NMNAT1: variants seen among roughly 807,000 people sequenced by gnomAD.
NMNAT1 encodes nicotinamide/nicotinic acid mononucleotide adenylyltransferase 1.
A neutral mutation model predicts 16.7 loss-of-function variants in NMNAT1; 11 were observed. That is an observed-to-expected ratio of 0.66 (90% CI 0.41 to 1.09). The LOEUF is 1.09. NMNAT1 is among the 50% of genes least tolerant of loss of function. The probability of loss-of-function intolerance (pLI) is 0.00; values close to 1 mark genes in which losing one functional copy is unlikely to be tolerated. For synonymous variants in NMNAT1, 110 were observed against 119.8 expected (o/e 0.92, Z 0.53); for missense variants, 280 against 332.3 (o/e 0.84, Z 1.22).
intron 1 of NMNAT1, among the ~76,000 whole-genome samples, chr1:9,962,028 A>C (rs1038796045): frequency 1.3e-5 from 2 of 151,682 alleles, no homozygotes; most frequent in African/African-American, 4.8e-5. Flanking sequence ...TCGCCCTCCC[A>C]AAATGCTGGG....
chr1:9,991,857 ACTTTT>A, the NMNAT1 span, among the ~76,000 whole-genome samples: 1 of 151,970 alleles, frequency 6.6e-6, no homozygotes, highest in African/African-American at 2.4e-5. Context: ...ATATCCAAGT[ACTTTT>A]CTGTCCACAT....
chr1:9,979,792 A>G (rs1252786941), intron 3 of NMNAT1, among the ~76,000 whole-genome samples: 1 of 143,708 alleles, frequency 7.0e-6, no homozygotes, highest in Non-Finnish European at 1.5e-5. Flanking sequence ...ACAGAGTGAG[A>G]CTCCATCTCA....
downstream of NMNAT1, among the ~76,000 whole-genome samples, chr1:9,989,327 G>A (rs1042679876): frequency 3.3e-5 from 5 of 151,966 alleles, no homozygotes; most frequent in Admixed American, 6.6e-5. Context: ...GCATGGTGGC[G>A]GGCGCCTGTA....
intron 1 of NMNAT1, among the ~76,000 whole-genome samples, chr1:9,970,618 G>T (rs906221834): frequency 2.0e-5 from 3 of 151,920 alleles, no homozygotes; most frequent in African/African-American, 7.3e-5. Context: ...GAACCTGGGA[G>T]GCGGAGCTTG....
chr1:9,954,602 G>A (rs552476978), intron 1 of NMNAT1, among the ~76,000 whole-genome samples: 3 of 152,162 alleles, frequency 2.0e-5, no homozygotes, highest in South Asian at 2.1e-4. Flanking sequence ...TGAAAAACCC[G>A]ATACTTTAAT....
rs547926329 is a variant in NMNAT1, at chr1:9,974,168, C to T, written c.116-1424C>T. On this transcript the variant is annotated intron_variant, in intron 2 of 4. Transcript: ENST00000377205. ...CATAACAGTTTCATGTGTATCCTTC[C>T]ACTCTTCTTTGTATGAATTTATATG... Among the ~76,000 whole-genome samples the T allele has an allele frequency of 5.3e-5, 8 of 152,128 alleles. No homozygotes were observed. The South Asian group carries it at 1.7e-3, about 32-fold the overall frequency.
the NMNAT1 span, among the ~76,000 whole-genome samples, chr1:9,991,060 GA>G: frequency 6.6e-6 from 1 of 152,256 alleles, no homozygotes; most frequent in Admixed American, 6.5e-5. Context: ...CAACCAGCAC[GA>G]AGGTTAAAAC....
chr1:9,959,172 G>A (rs1641341753), intron 1 of NMNAT1, among the ~76,000 whole-genome samples: 2 of 152,116 alleles, frequency 1.3e-5, no homozygotes, highest in African/African-American at 4.8e-5. Flanking sequence ...GGGAGTTTGA[G>A]ACCAGCCTGG....
chr1:9,966,235 G>T (rs760376458), intron 1 of NMNAT1, among the ~76,000 whole-genome samples: 17 of 151,904 alleles, frequency 1.1e-4, no homozygotes, highest in African/African-American at 2.4e-5. Context: ...GGAGGCAGAG[G>T]CTGCAGTGAG....
intron 3 of NMNAT1, among the ~76,000 whole-genome samples, chr1:9,976,158 ATG>A (rs1641809173): frequency 6.6e-6 from 1 of 151,918 alleles, no homozygotes; most frequent in African/African-American, 2.4e-5. Flanking sequence ...ATGGTGGCGC[ATG>A]CCTGTAATCC....
chr1:9,992,087 A>AT, the NMNAT1 span, among the ~76,000 whole-genome samples: 118,727 of 139,710 alleles, frequency 0.85, 50,839 homozygotes, highest in Non-Finnish European at 0.92. Context: ...TTAGGTTTAG[A>AT]TTTTTTTTTT....
At chr1:9,961,772 G>GTA (rs1380580652) in intron 1 of NMNAT1, among the ~76,000 whole-genome samples, 1 of 151,878 alleles carries the variant, frequency 6.6e-6, no homozygotes, top group African/African-American at 2.4e-5. Context: ...AAGGCCCCAA[G>GTA]TATATATATA....
At chr1:9,964,144 G>A (rs531519432) in intron 1 of NMNAT1, among the ~76,000 whole-genome samples, 107 of 151,644 alleles carry the variant, frequency 7.1e-4, no homozygotes, top group African/African-American at 2.3e-3. Flanking sequence ...CACCTACCTC[G>A]GCCTCCCAAA....
intron 1 of NMNAT1, among the ~76,000 whole-genome samples, chr1:9,947,973 A>G (rs1641017028): frequency 6.6e-6 from 1 of 152,120 alleles, no homozygotes; most frequent in Non-Finnish European, 1.5e-5. Context: ...AGGTCTAGAG[A>G]ATGTGTTGTT....
chr1:9,948,307 G>T (rs75505101), intron 1 of NMNAT1, among the ~76,000 whole-genome samples: 2,683 of 152,270 alleles, frequency 0.018, 34 homozygotes, highest in Non-Finnish European at 0.027. Flanking sequence ...AGGTGAGGTG[G>T]CTCATGCTCG....
At chr1:9,960,281 T>G (rs1048225059) in intron 1 of NMNAT1, among the ~76,000 whole-genome samples, 2 of 151,290 alleles carry the variant, frequency 1.3e-5, no homozygotes, top group African/African-American at 4.9e-5. Flanking sequence ...CGATACCCTA[T>G]CTCTAAAAAA....
chr1:9,994,825 G>C, the NMNAT1 span, among the ~76,000 whole-genome samples: 1 of 151,742 alleles, frequency 6.6e-6, no homozygotes, highest in African/African-American at 2.4e-5. Context: ...TGTTAGCCAG[G>C]AAGGTCTTGA....
At chr1:9,994,317 T>C in the NMNAT1 span, among the ~76,000 whole-genome samples, 2 of 151,984 alleles carry the variant, frequency 1.3e-5, no homozygotes, top group South Asian at 2.1e-4. Flanking sequence ...TTCACCATGT[T>C]AGCCAGGCTT....
intron 1 of NMNAT1, among the ~76,000 whole-genome samples, chr1:9,965,084 C>T (rs560591771): frequency 4.6e-5 from 7 of 151,812 alleles, no homozygotes; most frequent in African/African-American, 1.2e-4. Context: ...TTTGGGAGGC[C>T]GAGGCGGGTG....
Sources: gnomAD v4.1 joint callset for allele counts (sites outside exome capture counted in the v4.1 genomes callset) on GRCh38, gnomAD v4.1.1 for gene constraint, MANE v1.5 for transcripts, NCBI Gene and HGNC (gene_info 2026-07-23, HGNC 2026-07-21) for gene names.